GEN1: variants seen among roughly 807,000 people sequenced by gnomAD.
GEN1 encodes flap endonuclease GEN homolog 1.
GEN1 carries 64 observed loss-of-function variants against 67.6 expected under a neutral mutation model. The observed-to-expected ratio is 0.95, with a 90% CI of 0.77 to 1.17. GEN1 has a LOEUF of 1.17. Ranked by LOEUF, GEN1 falls within the 50% of genes most tolerant of loss-of-function variation. The pLI, the probability that GEN1 is intolerant of heterozygous loss-of-function variation, is 0.00. For missense variants in GEN1, 1,058 were observed against 1,048.3 expected (o/e 1.01, Z -0.13); for synonymous variants, 371 against 359.4 (o/e 1.03, Z -0.37).
intron 11 of GEN1, among the ~76,000 whole-genome samples, chr2:17,776,617 AAC>A (rs1405526497): frequency 6.6e-6 from 1 of 152,198 alleles, no homozygotes; most frequent in African/African-American, 2.4e-5. Context: ...TTTCAGAATA[AAC>A]AGTTTGCTGG....
At chr2:17,767,793 C>T (rs114438777) in intron 5 of GEN1, among the ~76,000 whole-genome samples, 1 of 152,284 alleles carries the variant, frequency 6.6e-6, no homozygotes, top group African/African-American at 2.4e-5. Context: ...TATGTATTTA[C>T]ATTGTTCTAC....
intron 11 of GEN1, among the ~76,000 whole-genome samples, chr2:17,774,925 C>T (rs1417286668): frequency 6.6e-6 from 1 of 151,766 alleles, no homozygotes; most frequent in African/African-American, 2.4e-5. Context: ...CCAAATGCTG[C>T]CTGAAGCCCA....
chr2:17,756,843 T>C (rs1487157619), intron 1 of GEN1, among the ~76,000 whole-genome samples: 1 of 152,256 alleles, frequency 6.6e-6, no homozygotes, highest in Non-Finnish European at 1.5e-5. Flanking sequence ...TGTACTTTAA[T>C]ATCTTAGAAG....
intron 6 of GEN1, among the ~76,000 whole-genome samples, chr2:17,770,608 G>A (rs1672134312): frequency 6.6e-6 from 1 of 152,064 alleles, no homozygotes; most frequent in South Asian, 2.1e-4. Context: ...CTTTTAATTA[G>A]TAGAAATCTT....
rs1672982804 is a variant in GEN1, at chr2:17,784,414, T to C, written c.*2475T>C. ...GGAAAAAGTCTGGTAGTTCTTCAAA[T>C]GGTTAAATGTAGAGTTACGATATGA... On this transcript the variant is annotated 3_prime_UTR_variant, in exon 14 of 14. Transcript: ENST00000381254. 1 of 152,198 alleles carries C rather than the reference T, an allele frequency of 6.6e-6. No homozygotes were observed. The allele number at this position is 152,198 out of a possible 1,614,324, so 9.4% of individuals were successfully genotyped here.
chr2:17,776,001 A>G (rs546590823), intron 11 of GEN1, among the ~76,000 whole-genome samples: 1 of 151,660 alleles, frequency 6.6e-6, no homozygotes, highest in South Asian at 2.1e-4. Flanking sequence ...CTGTGATCCC[A>G]GCTACTTGGA....
chr2:17,759,859 ATT>A, intron 1 of GEN1, 68 bp from the exon 2 acceptor site: 1 of 1,309,702 alleles, frequency 7.6e-7, no homozygotes, highest in Non-Finnish European at 1.1e-6. Context: ...CTTATAATAT[ATT>A]GTTTGAATTC....
intron 11 of GEN1, 134 bp downstream of exon 11, chr2:17,774,535 G>T: frequency 3.5e-6 from 2 of 568,236 alleles, no homozygotes; most frequent in Non-Finnish European, 2.9e-6. Flanking sequence ...AGCTTATTCA[G>T]GGCTTATAAT....
intron 12 of GEN1, among the ~76,000 whole-genome samples, chr2:17,779,664 C>A (rs1302968690): frequency 6.6e-6 from 1 of 151,256 alleles, no homozygotes; most frequent in East Asian, 1.9e-4. Context: ...TGTAGTGGTG[C>A]GATCTCGGCT....
chr2:17,779,856 A>G (rs902577648), intron 12 of GEN1, 122 bp from the exon 13 acceptor site: 1 of 647,460 alleles, frequency 1.5e-6, no homozygotes, highest in Non-Finnish European at 2.6e-6. Flanking sequence ...TCCTGACCTC[A>G]TGATCCGCCC....
At chr2:17,765,190 G>C (rs554776426) in intron 4 of GEN1, 117 bp downstream of exon 4, 1 of 879,328 alleles carries the variant, frequency 1.1e-6, no homozygotes, top group Non-Finnish European at 1.7e-6. Flanking sequence ...CGTAGCAATT[G>C]CTAATTAAAA....
intron 1 of GEN1, 187 bp downstream of exon 1, chr2:17,754,532 C>T (rs990393491): frequency 2.0e-5 from 3 of 152,240 alleles, no homozygotes; most frequent in Admixed American, 6.5e-5. Flanking sequence ...GTTTTCCACT[C>T]GCGAGGGCCC....
chr2:17,760,208 C>G (rs1003216380), intron 2 of GEN1, 104 bp downstream of exon 2: 3 of 1,127,380 alleles, frequency 2.7e-6, no homozygotes, highest in Non-Finnish European at 3.7e-6. Flanking sequence ...TATTCTTTTA[C>G]ATTTTGAGGT....
rs764446047 is a variant in GEN1 at position 17,788,823 on chromosome 2, G to A, written c.*6884G>A. On this transcript the variant is annotated 3_prime_UTR_variant, in exon 14 of 14. Transcript: ENST00000381254. ...AGTGATTTATGAAACACCCAGGTGAGGGGAGACTACAAGTCCCTTTGCCTT... is the reference window on the plus strand; with the variant it reads ...AGTGATTTATGAAACACCCAGGTGAAGGGAGACTACAAGTCCCTTTGCCTT... 5.3e-5 allele frequency: 8 copies of A among 152,212 alleles called. No individual in the cohort carries two copies. Among genetic ancestry groups the A allele is most frequent in the East Asian group, 1.9e-4 (1 of 5,198 alleles). The allele number at this position is 152,212 out of a possible 1,614,324, so 9.4% of individuals were successfully genotyped here.
upstream of GEN1, chr2:17,753,545 G>A (rs989310638): frequency 7.3e-5 from 11 of 151,296 alleles, no homozygotes; most frequent in African/African-American, 2.7e-4. Flanking sequence ...CCGGGTGGCT[G>A]GGGGTCGCCA....
intron 12 of GEN1, 75 bp downstream of exon 12, chr2:17,778,138 G>GTATA (rs10535305): frequency 1.4e-3 from 764 of 540,776 alleles, no homozygotes; most frequent in Admixed American, 2.7e-3. Flanking sequence ...TTGTATATGT[G>GTATA]TATATATATA....
In GEN1 at chr2:17,759,993, T is replaced by A; in HGVS notation, c.50T>A (p.Ile17Asn). Residue 17 changes from isoleucine to asparagine, a missense_variant, in exon 2 of 14, where the codon ATC (isoleucine) becomes AAC (asparagine). Physicochemically the swap from Ile to Asn is moderately radical, Grantham distance 149. Transcript: ENST00000381254. ...WQILEPVKQH[I>N]PLRNLGGKTI... ...ATTTTGGAGCCTGTTAAGCAACACA[T>A]CCCCTTGCGTAATCTTGGTGGGAAA... 6.2e-7 allele frequency: 1 copy of A among 1,614,038 alleles called. No individual in the cohort carries two copies. The highest frequency in any genetic ancestry group is 1.1e-5 in the South Asian group (1 of 91,064).
chr2:17,785,771 G>A lies in GEN1; in HGVS notation c.*3832G>A, dbSNP rs1208792579. The A allele has an allele frequency of 2.0e-5, 3 of 152,440 alleles. No homozygotes were observed. Among genetic ancestry groups the A allele is most frequent in the Non-Finnish European group, 2.9e-5 (2 of 68,250 alleles). The allele number at this position is 152,440 out of a possible 1,614,324, so 9.4% of individuals were successfully genotyped here. A position where few individuals can be genotyped will look rare whatever the true frequency, so the allele number is the denominator to read the frequency against. On this transcript the variant is annotated 3_prime_UTR_variant, in exon 14 of 14. Coordinates refer to ENST00000381254, the MANE Select transcript of GEN1 (RefSeq NM_001130009.3). The stretch of plus-strand genomic sequence containing the variant: ...CAGTGGGGCCTGGTGGCGTGCACCT[G>A]TAATCCCAGCTACTCGGGAAGCTGA...
intron 4 of GEN1, among the ~76,000 whole-genome samples, chr2:17,765,919 T>A (rs763380331): frequency 2.6e-5 from 4 of 151,064 alleles, no homozygotes; most frequent in Non-Finnish European, 5.9e-5. Context: ...GCTCAGGCAG[T>A]GCAGTTACGG....
Sources: gnomAD v4.1 joint callset for allele counts (sites outside exome capture counted in the v4.1 genomes callset) on GRCh38, gnomAD v4.1.1 for gene constraint, MANE v1.5 for transcripts, NCBI Gene and HGNC (gene_info 2026-07-23, HGNC 2026-07-21) for gene names.